Variants in MCPH1 observed in about 807,000 individuals in gnomAD.
MCPH1 encodes the protein microcephalin.
In MCPH1, 104 loss-of-function variants were observed where a neutral mutation model predicts 84.5. That is an observed-to-expected ratio of 1.23 (90% CI 1.05 to 1.45). The LOEUF (loss-of-function observed/expected upper bound fraction) is 1.45. Ranked by LOEUF, MCPH1 falls within the 40% of genes most tolerant of loss-of-function variation. The pLI, the probability that MCPH1 is intolerant of heterozygous loss-of-function variation, is 0.00. For missense variants in MCPH1, 1,498 were observed against 1,005.7 expected (o/e 1.49, Z -6.62); for synonymous variants, 514 against 366.8 (o/e 1.40, Z -4.58).
intron 12 of MCPH1, chr8:6,562,571 T>TTTTTTTTTTTTTTTTTTTTTTTAA (rs1825720689): frequency 2.4e-6 from 1 of 420,966 alleles, no homozygotes; most frequent in Admixed American, 3.7e-5. Flanking sequence ...TTTTTTTTTT[T>TTTTTTTTTTTTTTTTTTTTTTTAA]GGTTGTTAAA....
intron 4 of MCPH1, among the ~76,000 whole-genome samples, chr8:6,434,334 T>C (rs1585736740): frequency 6.6e-6 from 1 of 152,154 alleles, no homozygotes; most frequent in Non-Finnish European, 1.5e-5. Flanking sequence ...TGGCAGAGCC[T>C]CCAGGCAAAT....
At chr8:6,478,563 C>G (rs1011357034) in intron 10 of MCPH1, among the ~76,000 whole-genome samples, 1 of 151,834 alleles carries the variant, frequency 6.6e-6, no homozygotes, top group Non-Finnish European at 1.5e-5. Context: ...CTTTTTTTCT[C>G]CACATGGACT....
chr8:6,415,920 C>T (rs1040736443), intron 3 of MCPH1, among the ~76,000 whole-genome samples: 16 of 152,234 alleles, frequency 1.1e-4, no homozygotes, highest in African/African-American at 3.9e-4. Flanking sequence ...AATATTTAAT[C>T]TTTCAGTCCA....
At chr8:6,592,670 A>ATTTTTTTTT (rs1463643053) in intron 12 of MCPH1, among the ~76,000 whole-genome samples, 1 of 75,876 alleles carries the variant, frequency 1.3e-5, no homozygotes, top group Non-Finnish European at 2.5e-5. Flanking sequence ...GTTTGTTTTA[A>ATTTTTTTTT]TTGAGAAGGG....
At chr8:6,467,956 A>T (rs1807193570) in intron 9 of MCPH1, among the ~76,000 whole-genome samples, 1 of 152,200 alleles carries the variant, frequency 6.6e-6, no homozygotes, top group African/African-American at 2.4e-5. Context: ...GTTTCTCAAA[A>T]TAGTAGCACT....
rs1307241425 is a variant in MCPH1, at chr8:6,643,314, G to A, written c.*265G>A. ...GAGTCCTGCCCTGTTTCCCAGGCTGGAGTGCAATGGCACAATCTCGGCTCA... is the reference window on the plus strand; with the variant it reads ...GAGTCCTGCCCTGTTTCCCAGGCTGAAGTGCAATGGCACAATCTCGGCTCA... On this transcript the variant is annotated 3_prime_UTR_variant, in exon 14 of 14. Transcript: ENST00000344683. The A allele has an allele frequency of 2.1e-6, 1 of 466,204 alleles. No homozygotes were observed. 28.9% of individuals were successfully genotyped at this position (466,204 alleles called of 1,614,324 possible). A position where few individuals can be genotyped will look rare whatever the true frequency, so the allele number is the denominator to read the frequency against.
Position 6,444,591 on chromosome 8 carries a change from A to G in MCPH1, c.869A>G (p.Lys290Arg), listed in dbSNP as rs200814676. The G allele has an allele frequency of 8.1e-6, 13 of 1,614,194 alleles. No homozygotes were observed. The highest frequency in any genetic ancestry group is 1.1e-5 in the Non-Finnish European group (13 of 1,180,036). ...CACCTCGATAAATCAAGTCCTCAGA[A>G]ATTTCTGAGTAATCTTTCAAAGGAA... ...FTHLDKSSPQ[K>R]FLSNLSKEEI... The change falls in exon 8 of 14, where the codon AAA (lysine) becomes AGA (arginine). Residue 290 changes from lysine (K) to arginine (R), a missense_variant. Lys to Arg is a conservative substitution (Grantham distance 26, BLOSUM62 2). Coordinates refer to ENST00000344683, the MANE Select transcript of MCPH1 (RefSeq NM_024596.5).
intron 12 of MCPH1, among the ~76,000 whole-genome samples, chr8:6,601,549 C>T (rs148386972): frequency 1.0e-5 from 1 of 95,348 alleles, no homozygotes; most frequent in African/African-American, 3.1e-5. Context: ...ACACACACCC[C>T]TACGCACACC....
At chr8:6,499,952 A>G in intron 12 of MCPH1, 23 bp downstream of exon 12, 1 of 1,595,220 alleles carries the variant, frequency 6.3e-7, no homozygotes, top group Non-Finnish European at 8.6e-7. Flanking sequence ...TTGTTTTACG[A>G]TGGTAAATGC....
intron 12 of MCPH1, chr8:6,513,636 A>G: frequency 6.4e-7 from 1 of 1,574,534 alleles, no homozygotes. Flanking sequence ...CCCGGCCACA[A>G]ATCTTTTAAT....
intron 9 of MCPH1, among the ~76,000 whole-genome samples, chr8:6,456,899 C>G (rs1805740592): frequency 6.6e-6 from 1 of 152,010 alleles, no homozygotes; most frequent in African/African-American, 2.4e-5. Flanking sequence ...GGAGTGTGGC[C>G]CCTTCTTCCT....
intron 12 of MCPH1, chr8:6,621,239 A>G (rs1330639100): frequency 8.2e-6 from 5 of 606,532 alleles, no homozygotes; most frequent in Non-Finnish European, 1.4e-5. Flanking sequence ...GTTTCCTTGG[A>G]GTTTTACGCA....
chr8:6,585,553 C>A (rs1827907400), intron 12 of MCPH1, among the ~76,000 whole-genome samples: 2 of 152,334 alleles, frequency 1.3e-5, no homozygotes, highest in East Asian at 3.9e-4. Context: ...CCAAGGTTTA[C>A]CTCTCTAAAT....
intron 12 of MCPH1, among the ~76,000 whole-genome samples, chr8:6,520,182 A>AT (rs919460984): frequency 2.1e-4 from 32 of 152,298 alleles, no homozygotes; most frequent in African/African-American, 6.7e-4. Context: ...TCAAAAGATT[A>AT]ATACTTACTT....
At chr8:6,462,942 C>A (rs542831563) in intron 9 of MCPH1, among the ~76,000 whole-genome samples, 1 of 152,288 alleles carries the variant, frequency 6.6e-6, no homozygotes, top group Non-Finnish European at 1.5e-5. Flanking sequence ...CTCTTACCTG[C>A]CTCCTCTTTG....
intron 2 of MCPH1, among the ~76,000 whole-genome samples, chr8:6,410,246 T>A (rs990422429): frequency 4.6e-5 from 7 of 152,092 alleles, no homozygotes; most frequent in Admixed American, 1.3e-4. Flanking sequence ...AGTGCTGGGA[T>A]TACAGGCATG....
rs548735227 is a variant in MCPH1 at position 6,555,989 on chromosome 8, G to A, written c.2214+56060G>A. Among the ~76,000 whole-genome samples the A allele has an allele frequency of 9.2e-5, 14 of 152,200 alleles. No homozygotes were observed. The South Asian group carries it at 1.7e-3, about 18-fold the overall frequency. ...GAACAAAGCTGTGCTCTCAGCAATC[G>A]GAATCTGTCAAGTCTGCTGTGGGGA... On this transcript the variant is annotated intron_variant, in intron 12 of 13. Transcript: ENST00000344683.
chr8:6,466,338 C>T lies in MCPH1; in HGVS notation c.1935+11086C>T, dbSNP rs1418825750. 1.1e-4 allele frequency among the ~76,000 whole-genome samples: 17 copies of T among 149,168 alleles called. 1 individual carries two copies. The highest frequency in any genetic ancestry group is 9.3e-4 in the Admixed American group (14 of 14,978). Reference sequence around the variant, plus strand: ...TTTTTGAGATGGAGTCTTGGAGTCTCGCTCTGTTGCTGAGGCTGGAGTGCA... The same window carrying T: ...TTTTTGAGATGGAGTCTTGGAGTCTTGCTCTGTTGCTGAGGCTGGAGTGCA... On this transcript the variant is annotated intron_variant, in intron 9 of 13. Transcript: ENST00000344683.
intron 9 of MCPH1, among the ~76,000 whole-genome samples, chr8:6,465,442 C>T (rs1301939486): frequency 1.3e-5 from 2 of 152,164 alleles, no homozygotes; most frequent in Non-Finnish European, 2.9e-5. Context: ...AGCACATCAC[C>T]GGTATTCTCT....
Sources: gnomAD v4.1 joint callset for allele counts (sites outside exome capture counted in the v4.1 genomes callset) on GRCh38, gnomAD v4.1.1 for gene constraint, MANE v1.5 for transcripts, NCBI Gene and HGNC (gene_info 2026-07-23, HGNC 2026-07-21) for gene names.